The following UMAD1 variants were observed in gnomAD, a reference collection of about 807,000 sequenced individuals.
UMAD1 encodes UBAP1-MVB12-associated (UMA)-domain containing protein 1.
UMAD1 carries 8 observed loss-of-function variants against 6.1 expected under a neutral mutation model. The observed-to-expected ratio is 1.30, with a 90% CI of 0.76 to 2.35. The LOEUF (loss-of-function observed/expected upper bound fraction) is 2.35, where lower values mean the gene tolerates loss of function less well. Among genes scored for constraint, UMAD1 ranks in the 30% most tolerant of loss-of-function variants. The probability of loss-of-function intolerance (pLI) is 0.00; values close to 1 mark genes in which losing one functional copy is unlikely to be tolerated. For missense variants in UMAD1, 130 were observed against 78.4 expected, an observed-to-expected ratio of 1.66 and a Z score of -2.49; for synonymous variants, 56 against 31.4, an observed-to-expected ratio of 1.78 and a Z score of -2.61.
At chr7:7,851,404 A>T (rs139394980) in intron 3 of UMAD1, among the ~76,000 whole-genome samples, 1 of 152,210 alleles carries the variant, frequency 6.6e-6, no homozygotes, top group Non-Finnish European at 1.5e-5. Context: ...CCTGTTTTCA[A>T]TTTTTTTGAT....
intron 3 of UMAD1, among the ~76,000 whole-genome samples, chr7:7,829,737 A>G (rs1027955475): frequency 3.3e-5 from 5 of 152,212 alleles, no homozygotes; most frequent in Admixed American, 2.6e-4. Flanking sequence ...ACACAAAGGT[A>G]TATGTTAATT....
chr7:7,846,330 TC>T (rs1783781305), intron 3 of UMAD1, among the ~76,000 whole-genome samples: 1 of 152,176 alleles, frequency 6.6e-6, no homozygotes, highest in Non-Finnish European at 1.5e-5. Context: ...CTTCTCCTGT[TC>T]CCTAGAAATC....
At chr7:7,806,474 A>G (rs1392574332) in intron 3 of UMAD1, among the ~76,000 whole-genome samples, 1 of 152,248 alleles carries the variant, frequency 6.6e-6, no homozygotes, top group Non-Finnish European at 1.5e-5. Flanking sequence ...GACCTCAGCA[A>G]CTATCACACT....
chr7:7,702,944 T>C (rs1780498969), intron 2 of UMAD1, among the ~76,000 whole-genome samples: 1 of 152,226 alleles, frequency 6.6e-6, no homozygotes, highest in Non-Finnish European at 1.5e-5. Flanking sequence ...TTCACTTGCG[T>C]CATTCTCCAG....
chr7:7,753,258 T>G (rs928358770), intron 2 of UMAD1, among the ~76,000 whole-genome samples: 2 of 152,190 alleles, frequency 1.3e-5, no homozygotes, highest in African/African-American at 4.8e-5. Flanking sequence ...TCTCAAGCAT[T>G]TATCCTTTGT....
chr7:7,683,261 A>G (rs947670048), intron 2 of UMAD1, among the ~76,000 whole-genome samples: 12 of 152,150 alleles, frequency 7.9e-5, no homozygotes, highest in Admixed American at 2.6e-4. Flanking sequence ...GGATACTTAG[A>G]AAAAAATACT....
chr7:7,656,818 G>C (rs1785355090), intron 1 of UMAD1, among the ~76,000 whole-genome samples: 1 of 152,124 alleles, frequency 6.6e-6, no homozygotes, highest in Non-Finnish European at 1.5e-5. Context: ...ATAATCCTTT[G>C]GGTATATACC....
At chr7:7,735,719 T>C (rs1361472285) in intron 2 of UMAD1, 1 of 152,266 alleles carries the variant, frequency 6.6e-6, no homozygotes, top group Non-Finnish European at 1.5e-5. Flanking sequence ...CACATTGTTA[T>C]GTTAAATATG....
At chr7:7,813,612 C>T (rs1450572720) in intron 3 of UMAD1, among the ~76,000 whole-genome samples, 1 of 148,010 alleles carries the variant, frequency 6.8e-6, no homozygotes, top group Non-Finnish European at 1.5e-5. Context: ...TAAAAAAAAG[C>T]ATATGAAAAC....
intron 3 of UMAD1, among the ~76,000 whole-genome samples, chr7:7,804,774 G>T (rs934057347): frequency 6.6e-6 from 1 of 152,148 alleles, no homozygotes; most frequent in African/African-American, 2.4e-5. Flanking sequence ...GAGGTCAGGA[G>T]ATCAAGACCA....
chr7:7,720,491 A>C (rs1781024035), intron 2 of UMAD1, among the ~76,000 whole-genome samples: 4 of 152,188 alleles, frequency 2.6e-5, no homozygotes, highest in Admixed American at 6.5e-5. Context: ...CTACTGTAGT[A>C]TTATGGTACT....
intron 2 of UMAD1, among the ~76,000 whole-genome samples, chr7:7,714,532 G>A (rs1583766519): frequency 6.6e-6 from 1 of 152,356 alleles, no homozygotes. Flanking sequence ...AAAAGGAGCT[G>A]TCAATTTAGG....
At chr7:7,831,923 A>G (rs1246033618) in intron 3 of UMAD1, among the ~76,000 whole-genome samples, 3 of 152,164 alleles carry the variant, frequency 2.0e-5, no homozygotes, top group African/African-American at 7.2e-5. Context: ...AGATGTGGAT[A>G]CAATTAACCC....
At chr7:7,660,436 G>A (rs963510559) in intron 1 of UMAD1, among the ~76,000 whole-genome samples, 1 of 152,172 alleles carries the variant, frequency 6.6e-6, no homozygotes, top group African/African-American at 2.4e-5. Context: ...GCAGTGGCTG[G>A]TACCTGTTGT....
chr7:7,821,661 C>G (rs1412600328), intron 3 of UMAD1, among the ~76,000 whole-genome samples: 1 of 152,142 alleles, frequency 6.6e-6, no homozygotes, highest in Non-Finnish European at 1.5e-5. Context: ...AGCAGCTGTT[C>G]TTTGAAATTG....
At chr7:7,836,035 C>T (rs1012678289) in intron 3 of UMAD1, among the ~76,000 whole-genome samples, 3 of 151,930 alleles carry the variant, frequency 2.0e-5, no homozygotes, top group Admixed American at 6.6e-5. Flanking sequence ...CATCCACGGT[C>T]TTGCTATTTT....
At chr7:7,677,485 A>G (rs1779771817) in intron 2 of UMAD1, among the ~76,000 whole-genome samples, 1 of 152,058 alleles carries the variant, frequency 6.6e-6, no homozygotes, top group Non-Finnish European at 1.5e-5. Context: ...GAGCTCCCTC[A>G]TATGAGTGAG....
rs202148602 is a variant in UMAD1 at position 7,772,902 on chromosome 7, A to AT, written c.83-28759dup. Among the ~76,000 whole-genome samples, 276 of 150,942 alleles carry AT rather than the reference A, an allele frequency of 1.8e-3. 2 individuals carry two copies. The highest frequency in any genetic ancestry group is 0.011 in the Admixed American group (162 of 15,140). ...AGATATAACACAAGAAGCCTTTTTT[A>AT]TTTTTTTTTAAAGAGGGGTTTCCCC... is the stretch of plus-strand genomic sequence containing the variant. On this transcript the variant is annotated intron_variant, in intron 2 of 3. Transcript: ENST00000682710.
chr7:7,657,727 G>A (rs1461496896), intron 1 of UMAD1, among the ~76,000 whole-genome samples: 1 of 152,168 alleles, frequency 6.6e-6, no homozygotes, highest in African/African-American at 2.4e-5. Context: ...TTGTAGTATA[G>A]TTTGAAGTCA....
Sources: gnomAD v4.1 joint callset for allele counts (sites outside exome capture counted in the v4.1 genomes callset) on GRCh38, gnomAD v4.1.1 for gene constraint, MANE v1.5 for transcripts, NCBI Gene and HGNC (gene_info 2026-07-23, HGNC 2026-07-21) for gene names.